The following VEGFC variants were observed in gnomAD, a reference collection of about 807,000 sequenced individuals.
The protein encoded by VEGFC is vascular endothelial growth factor C, also known as FLT4 ligand DHM.
A neutral mutation model predicts 46.1 loss-of-function variants in VEGFC; 12 were observed. That is an observed-to-expected ratio of 0.26 (90% confidence interval 0.17 to 0.42). The LOEUF is 0.42. Ranked by LOEUF, VEGFC falls within the 10% of genes least tolerant of loss-of-function variation. The pLI is 1.00. For synonymous variants in VEGFC, 232 were observed against 195.5 expected (o/e 1.19, Z -1.56); for missense variants, 488 against 529.4 (o/e 0.92, Z 0.77).
intron 4 of VEGFC, among the ~76,000 whole-genome samples, chr4:176,710,845 T>C (rs907023735): frequency 3.9e-5 from 6 of 152,070 alleles, no homozygotes; most frequent in Admixed American, 1.3e-4. Flanking sequence ...TATGATCACA[T>C]GAGGTATATG....
At chr4:176,705,796 C>T (rs181202507) in intron 4 of VEGFC, 19 of 152,128 alleles carry the variant, frequency 1.2e-4, no homozygotes, top group Non-Finnish European at 2.9e-5. Flanking sequence ...TATGGTATGT[C>T]AAATATGGTA....
intron 1 of VEGFC, among the ~76,000 whole-genome samples, chr4:176,782,670 G>A (rs189120464): frequency 5.3e-5 from 8 of 151,948 alleles, no homozygotes; most frequent in Middle Eastern, 3.4e-3. Context: ...ATATTAATAC[G>A]AAAATTGCTT....
chr4:176,769,482 G>C (rs1424566627), intron 1 of VEGFC, among the ~76,000 whole-genome samples: 1 of 152,106 alleles, frequency 6.6e-6, no homozygotes, highest in Non-Finnish European at 1.5e-5. Flanking sequence ...TGGTATCTTG[G>C]AGCTATTTGT....
At chr4:176,751,020 GATACATTTATTTAATAAATGAA>G (rs1735333941) in intron 1 of VEGFC, among the ~76,000 whole-genome samples, 2 of 151,426 alleles carry the variant, frequency 1.3e-5, no homozygotes, top group South Asian at 2.1e-4. Flanking sequence ...AAGAGAAATG[GATACATTTATTTAATAAATGAA>G]ATACATTTAT....
chr4:176,768,963 A>G (rs1030318855), intron 1 of VEGFC, among the ~76,000 whole-genome samples: 1 of 151,532 alleles, frequency 6.6e-6, no homozygotes, highest in Non-Finnish European at 1.5e-5. Flanking sequence ...CAAAATTCAC[A>G]TGTTAAAATA....
At chr4:176,710,247 G>C (rs1734599554) in intron 4 of VEGFC, among the ~76,000 whole-genome samples, 1 of 152,192 alleles carries the variant, frequency 6.6e-6, no homozygotes, top group African/African-American at 2.4e-5. Context: ...TCTCAGAATG[G>C]AGGAGTCACT....
At chr4:176,734,587 A>G (rs1056897818) in intron 1 of VEGFC, among the ~76,000 whole-genome samples, 2 of 151,848 alleles carry the variant, frequency 1.3e-5, no homozygotes, top group Non-Finnish European at 2.9e-5. Context: ...TGGACAATCA[A>G]TGTCAAATGT....
intron 1 of VEGFC, among the ~76,000 whole-genome samples, chr4:176,767,715 T>C (rs887029505): frequency 6.6e-6 from 1 of 152,246 alleles, no homozygotes; most frequent in Admixed American, 6.5e-5. Context: ...TTTTGGTTTT[T>C]ACTTTTTGTG....
intron 3 of VEGFC, among the ~76,000 whole-genome samples, chr4:176,725,535 A>G (rs954427988): frequency 1.3e-5 from 2 of 152,204 alleles, no homozygotes; most frequent in Admixed American, 6.5e-5. Context: ...TTATGAAGAA[A>G]GGAAATGGAA....
intron 1 of VEGFC, among the ~76,000 whole-genome samples, chr4:176,779,795 A>G (rs17063747): frequency 0.1 from 15,666 of 152,212 alleles, 1,966 homozygotes; most frequent in African/African-American, 0.29. Context: ...AAATGTTAAT[A>G]CGTTAGGCTT....
At chr4:176,737,298 G>T (rs1052410150) in intron 1 of VEGFC, among the ~76,000 whole-genome samples, 2 of 143,766 alleles carry the variant, frequency 1.4e-5, no homozygotes, top group Admixed American at 1.4e-4. Flanking sequence ...TATAGAATAT[G>T]TTTATAATAT....
At chr4:176,750,828 T>A (rs1735329756) in intron 1 of VEGFC, among the ~76,000 whole-genome samples, 1 of 151,654 alleles carries the variant, frequency 6.6e-6, no homozygotes, top group Non-Finnish European at 1.5e-5. Flanking sequence ...GATGTTACAA[T>A]AGAAATCGTT....
At chr4:176,684,133 C>T in intron 6 of VEGFC, 93 bp from the exon 7 acceptor site, 2 of 947,506 alleles carry the variant, frequency 2.1e-6, no homozygotes, top group Non-Finnish European at 1.6e-6. Flanking sequence ...AAATTTCAGA[C>T]TGGAATAAAA....
chr4:176,772,981 T>C (rs10024513), intron 1 of VEGFC, among the ~76,000 whole-genome samples: 125,543 of 152,172 alleles, frequency 0.83, 53,383 homozygotes, highest in East Asian at 1. Flanking sequence ...TCCTTCTTTG[T>C]GAAAAGAATT....
intron 1 of VEGFC, among the ~76,000 whole-genome samples, chr4:176,755,635 A>C (rs1171635729): frequency 6.6e-6 from 1 of 151,970 alleles, no homozygotes; most frequent in East Asian, 1.9e-4. Context: ...AAATTAAAAC[A>C]CTCAGAAATA....
At chr4:176,778,910 CA>C (rs1735861793) in intron 1 of VEGFC, among the ~76,000 whole-genome samples, 1 of 152,086 alleles carries the variant, frequency 6.6e-6, no homozygotes, top group Admixed American at 6.5e-5. Context: ...ATCAGTTTGA[CA>C]AAATTTTAAC....
intron 1 of VEGFC, among the ~76,000 whole-genome samples, chr4:176,772,100 G>C (rs1451243574): frequency 6.6e-6 from 1 of 152,084 alleles, no homozygotes; most frequent in African/African-American, 2.4e-5. Flanking sequence ...GGCAAAATTT[G>C]AATATTTCCT....
At chr4:176,745,982 T>C (rs981877759) in intron 1 of VEGFC, among the ~76,000 whole-genome samples, 1 of 152,028 alleles carries the variant, frequency 6.6e-6, no homozygotes, top group Non-Finnish European at 1.5e-5. Flanking sequence ...AATAATGTAA[T>C]GTAAAGGAGT....
At chr4:176,718,107 A>G (rs1474555172) in intron 3 of VEGFC, among the ~76,000 whole-genome samples, 4 of 152,106 alleles carry the variant, frequency 2.6e-5, no homozygotes, top group African/African-American at 7.2e-5. Context: ...AAAAAGTGGT[A>G]TTTTTCACAG....
Sources: gnomAD v4.1 joint callset for allele counts (sites outside exome capture counted in the v4.1 genomes callset) on GRCh38, gnomAD v4.1.1 for gene constraint, MANE v1.5 for transcripts, NCBI Gene and HGNC (gene_info 2026-07-23, HGNC 2026-07-21) for gene names.